The following XPO6 variants were observed in gnomAD, a reference collection of about 807,000 sequenced individuals.
The protein encoded by XPO6 is exportin 6.
Under a neutral mutation model 130.0 loss-of-function variants are expected in XPO6, and 3 were observed. That is an observed-to-expected ratio of 0.02 (90% CI 0.01 to 0.06). XPO6 has a LOEUF of 0.06. XPO6 is among the 10% of genes least tolerant of loss of function. The pLI is 1.00. For synonymous variants in XPO6, 524 were observed against 548.9 expected, an observed-to-expected ratio of 0.95 and a Z score of 0.63; for missense variants, 970 against 1,393.0, an observed-to-expected ratio of 0.70 and a Z score of 4.83.
chr16:28,196,701 C>T (rs1194875644), intron 1 of XPO6, among the ~76,000 whole-genome samples: 1 of 152,206 alleles, frequency 6.6e-6, no homozygotes, highest in East Asian at 1.9e-4. Flanking sequence ...AATGCCCTCC[C>T]TGGCAAGGAG....
intron 1 of XPO6, among the ~76,000 whole-genome samples, chr16:28,194,009 T>A (rs2043822541): frequency 6.6e-6 from 1 of 152,114 alleles, no homozygotes; most frequent in Admixed American, 6.6e-5. Flanking sequence ...GCAGGTCGCA[T>A]CTAATGATGA....
At chr16:28,098,809 C>T (rs980280602) in intron 23 of XPO6, among the ~76,000 whole-genome samples, 170 bp from the exon 24 acceptor site, 18 of 152,120 alleles carry the variant, frequency 1.2e-4, no homozygotes, top group Admixed American at 3.3e-4. Context: ...CTGTGCCAGG[C>T]GCTGTGGGAG....
At chr16:28,108,157 C>T (rs1268624941) in intron 17 of XPO6, among the ~76,000 whole-genome samples, 1 of 152,176 alleles carries the variant, frequency 6.6e-6, no homozygotes, top group Non-Finnish European at 1.5e-5. Context: ...CCCAGTAATC[C>T]CACAAACACC....
In XPO6 at chr16:28,211,656, G is replaced by GGGACCCCCGCCCGGGCC. The variant is rs1567657070; in HGVS notation, c.-305_-289dup. On this transcript the variant is annotated 5_prime_UTR_variant, in exon 1 of 24. Coordinates refer to ENST00000304658, the MANE Select transcript of XPO6 (RefSeq NM_015171.4). The stretch of plus-strand genomic sequence containing the variant: ...ATGCCGGCGAGGAGGGCAGCTGCTC[G>GGGACCCCCGCCCGGGCC]GGACCCCCGCCCGGGCCCGACCCCC... The GGGACCCCCGCCCGGGCC allele has an allele frequency of 2.6e-6, 1 of 391,614 alleles. No individual in the cohort carries two copies. The highest frequency in any genetic ancestry group is 4.4e-6 in the Non-Finnish European group (1 of 224,860). 24.3% of individuals were successfully genotyped at this position (391,614 alleles called of 1,614,324 possible). A position where few individuals can be genotyped will look rare whatever the true frequency, so the allele number is the denominator to read the frequency against.
At chr16:28,199,772 CTGACCT>C (rs1283381784) in intron 1 of XPO6, among the ~76,000 whole-genome samples, 1 of 151,994 alleles carries the variant, frequency 6.6e-6, no homozygotes, top group African/African-American at 2.4e-5. Flanking sequence ...TCTCGAACGC[CTGACCT>C]TGTGATCTGC....
intron 23 of XPO6, among the ~76,000 whole-genome samples, chr16:28,100,177 CAG>C (rs1485824217): frequency 6.6e-6 from 1 of 152,122 alleles, no homozygotes; most frequent in African/African-American, 2.4e-5. Context: ...TTAGTAGAGA[CAG>C]GGTTTCGCCA....
intron 8 of XPO6, among the ~76,000 whole-genome samples, chr16:28,151,185 A>AAAG (rs1362598604): frequency 6.6e-6 from 1 of 151,124 alleles, no homozygotes; most frequent in Non-Finnish European, 1.5e-5. Flanking sequence ...TGGTTAAAAA[A>AAAG]AAAAAAAAAA....
intron 9 of XPO6, among the ~76,000 whole-genome samples, chr16:28,138,977 G>A (rs886469338): frequency 4.6e-5 from 7 of 152,130 alleles, no homozygotes; most frequent in Non-Finnish European, 7.3e-5. Flanking sequence ...TGGAATTATC[G>A]ATGACTCTAA....
intron 12 of XPO6, among the ~76,000 whole-genome samples, chr16:28,127,272 T>C (rs2087443829): frequency 6.6e-6 from 1 of 151,990 alleles, no homozygotes; most frequent in African/African-American, 2.4e-5. Flanking sequence ...CTTTGCAAGC[T>C]CCTACATAGC....
At chr16:28,112,403 GTCACATCC>G (rs2086948855) in intron 16 of XPO6, among the ~76,000 whole-genome samples, 1 of 152,146 alleles carries the variant, frequency 6.6e-6, no homozygotes, top group Admixed American at 6.5e-5. Flanking sequence ...CTAGCACCAG[GTCACATCC>G]TGCAATCACA....
At chr16:28,206,838 AGC>A (rs2044038401) in intron 1 of XPO6, among the ~76,000 whole-genome samples, 1 of 152,214 alleles carries the variant, frequency 6.6e-6, no homozygotes, top group East Asian at 1.9e-4. Context: ...TACCTCTGAG[AGC>A]ATGGGGTACA....
At chr16:28,130,447 G>A (rs1413422730) in intron 12 of XPO6, among the ~76,000 whole-genome samples, 1 of 152,162 alleles carries the variant, frequency 6.6e-6, no homozygotes, top group Non-Finnish European at 1.5e-5. Context: ...TATTTGAGGG[G>A]GTAAATGGCT....
chr16:28,172,038 C>T (rs570180927), intron 4 of XPO6, among the ~76,000 whole-genome samples: 2 of 152,264 alleles, frequency 1.3e-5, no homozygotes, highest in Admixed American at 1.3e-4. Flanking sequence ...ATATGAAATG[C>T]TGTGCTTCCC....
intron 8 of XPO6, among the ~76,000 whole-genome samples, chr16:28,152,139 A>G (rs968173387): frequency 2.6e-5 from 4 of 152,182 alleles, no homozygotes; most frequent in South Asian, 2.1e-4. Context: ...AGTAAACTCA[A>G]TGCAGGCAAA....
In XPO6 at chr16:28,135,261, G is replaced by A. The variant is rs778497056; in HGVS notation, c.1398C>T (p.Asn466=). 1.2e-6 allele frequency: 2 copies of A among 1,614,000 alleles called. No individual in the cohort carries two copies. The highest frequency in any genetic ancestry group is 2.2e-5 in the East Asian group (1 of 44,880). The change falls in exon 10 of 24, where the codon AAC becomes AAT. Residue 466 remains asparagine (N), a synonymous_variant. Transcript: ENST00000304658. The part of the protein sequence containing the change: ...EVLNRIQFRY[N]QAQLEELDDE... The stretch of plus-strand genomic sequence containing the variant: ...CATCCAACTCCTCCAGCTGGGCTTG[G>A]TTGTATCTGAACTGGATTCGATTCA...
intron 14 of XPO6, among the ~76,000 whole-genome samples, chr16:28,119,382 T>C (rs1416516465): frequency 6.6e-6 from 1 of 152,138 alleles, no homozygotes; most frequent in Non-Finnish European, 1.5e-5. Context: ...ATTAAGAGCC[T>C]TCTGACATGA....
chr16:28,187,428 A>G (rs1448924006), intron 1 of XPO6, among the ~76,000 whole-genome samples: 1 of 152,122 alleles, frequency 6.6e-6, no homozygotes, highest in Admixed American at 6.6e-5. Flanking sequence ...CTCTAGGGTC[A>G]GGTTCCCCAA....
intron 12 of XPO6, among the ~76,000 whole-genome samples, chr16:28,130,815 G>A (rs1021083273): frequency 6.6e-6 from 1 of 152,188 alleles, no homozygotes; most frequent in African/African-American, 2.4e-5. Context: ...CCCAGAAATA[G>A]AGTTTCAGAT....
chr16:28,112,163 A>G (rs1307594108), intron 16 of XPO6, among the ~76,000 whole-genome samples, 157 bp from the exon 17 acceptor site: 1 of 152,178 alleles, frequency 6.6e-6, no homozygotes, highest in African/African-American at 2.4e-5. Flanking sequence ...GTCCAACTGG[A>G]AGGCAACTTA....
Sources: gnomAD v4.1 joint callset for allele counts (sites outside exome capture counted in the v4.1 genomes callset) on GRCh38, gnomAD v4.1.1 for gene constraint, MANE v1.5 for transcripts, NCBI Gene and HGNC (gene_info 2026-07-23, HGNC 2026-07-21) for gene names.